Variants in DNAH9 observed in about 807,000 individuals in gnomAD.
DNAH9 encodes DNAH9 variant protein.
Under a neutral mutation model 471.6 loss-of-function variants are expected in DNAH9, and 345 were observed. That is an observed-to-expected ratio of 0.73 (90% CI 0.67 to 0.80). The LOEUF is 0.80. DNAH9 is among the 30% of genes least tolerant of loss of function. The probability of loss-of-function intolerance (pLI) is 0.00; values close to 1 mark genes in which losing one functional copy is unlikely to be tolerated. For synonymous variants in DNAH9, 2,093 were observed against 2,123.6 expected (o/e 0.99, Z 0.40); for missense variants, 5,407 against 5,609.2 (o/e 0.96, Z 1.15).
rs138856551 is a variant in DNAH9, at chr17:11,852,018, C to T, written c.9508-1985C>T. On this transcript the variant is annotated intron_variant, in intron 49 of 68. Transcript: ENST00000262442. ...TTTGCCCTCTGTCACCTCAGGGGGC[C>T]GTGACAACAGGTGTGCTGGTATCCC... 2.2e-3 allele frequency among the ~76,000 whole-genome samples: 332 copies of T among 152,258 alleles called. 2 individuals are homozygous for T. Among genetic ancestry groups the T allele is most frequent in the South Asian group, 0.011 (51 of 4,814 alleles).
At chr17:11,834,517 T>C in intron 48 of DNAH9, 121 bp from the exon 49 acceptor site, 1 of 1,154,406 alleles carries the variant, frequency 8.7e-7, no homozygotes, top group South Asian at 1.6e-5. Flanking sequence ...TCAGGAGCTG[T>C]CATCTATTCT....
chr17:11,853,905 C>T (rs917856859), intron 49 of DNAH9, 98 bp from the exon 50 acceptor site: 33 of 1,169,834 alleles, frequency 2.8e-5, no homozygotes, highest in Non-Finnish European at 3.9e-5. Context: ...TCAAAGCAGC[C>T]CTTTCAAACC....
chr17:11,733,860 C>CAAAAA lies in DNAH9; in HGVS notation c.5815-5005_5815-5001dup, dbSNP rs57515310. 1.3e-3 allele frequency among the ~76,000 whole-genome samples: 146 copies of CAAAAA among 113,068 alleles called. 2 individuals are homozygous for CAAAAA. Among genetic ancestry groups the CAAAAA allele is most frequent in the African/African-American group, 4.7e-3 (127 of 27,152 alleles). The allele number at this position is 113,068 out of a possible 152,430, so 74.2% of individuals were successfully genotyped here. ...TGGGCAACAGAGCAAGACTCCATCT[C>CAAAAA]AAAAAAAAAAAAAAAAAAAGTAAAA... On this transcript the variant is annotated intron_variant, in intron 28 of 68. Transcript: ENST00000262442.
intron 36 of DNAH9, among the ~76,000 whole-genome samples, 169 bp downstream of exon 36, chr17:11,763,783 G>GCC (rs1398322106): frequency 6.6e-6 from 1 of 152,212 alleles, no homozygotes; most frequent in African/African-American, 2.4e-5. Flanking sequence ...AGTTGTCCTA[G>GCC]CCAGACCTCA....
chr17:11,602,643 A>G (rs987049785), intron 1 of DNAH9, among the ~76,000 whole-genome samples: 2 of 152,154 alleles, frequency 1.3e-5, no homozygotes, highest in African/African-American at 2.4e-5. Context: ...GCTCTCCCCA[A>G]CATTACTTCT....
chr17:11,869,085 G>A (rs375365314), intron 50 of DNAH9, 49 bp from the exon 51 acceptor site: 25 of 1,601,168 alleles, frequency 1.6e-5, no homozygotes, highest in Non-Finnish European at 2.0e-5. Context: ...AGCACTGGTA[G>A]TTACATGGGC....
chr17:11,704,301 T>G lies in DNAH9; in HGVS notation c.5250T>G (p.Tyr1750Ter), dbSNP rs1293555670. 6.2e-7 allele frequency: 1 copy of G among 1,614,012 alleles called. No individual in the cohort carries two copies. The highest frequency in any genetic ancestry group is 8.5e-7 in the Non-Finnish European group (1 of 1,180,028). ...ATGAGAGTGCCATGAAGGACTATTA[T>G]AAGAAGCAAGTGGCCCAGCTCAAAA... ...EGYESAMKDYYKKQVAQLKTL... is the reference protein window; with the variant it reads ...EGYESAMKDY The change falls in exon 25 of 69, where the codon TAT becomes TAG. Residue 1750 changes from tyrosine (Y) to a stop codon, truncating the protein, a stop_gained. Coordinates refer to ENST00000262442, the MANE Select transcript of DNAH9 (RefSeq NM_001372.4). LOFTEE classifies it high-confidence loss of function.
intron 67 of DNAH9, among the ~76,000 whole-genome samples, chr17:11,950,419 C>T (rs1975321391): frequency 6.6e-6 from 1 of 152,208 alleles, no homozygotes; most frequent in Admixed American, 6.5e-5. Context: ...GAGATGGAAT[C>T]TTTCTCTATT....
chr17:11,933,607 C>T (rs2151037509), intron 64 of DNAH9, among the ~76,000 whole-genome samples: 1 of 152,152 alleles, frequency 6.6e-6, no homozygotes, highest in Non-Finnish European at 1.5e-5. Context: ...CTTGAACTCC[C>T]AATCTCAGGT....
chr17:11,813,677 C>T (rs1206746055), intron 45 of DNAH9, among the ~76,000 whole-genome samples: 1 of 152,178 alleles, frequency 6.6e-6, no homozygotes, highest in Non-Finnish European at 1.5e-5. Context: ...ATGCCCTGGG[C>T]GGAGTTTCCT....
chr17:11,725,473 T>C (rs1198430750), intron 27 of DNAH9, among the ~76,000 whole-genome samples: 2 of 152,238 alleles, frequency 1.3e-5, no homozygotes, highest in African/African-American at 4.8e-5. Context: ...TGGCACATAG[T>C]ATATGCTCAA....
intron 26 of DNAH9, among the ~76,000 whole-genome samples, chr17:11,710,790 A>G (rs1208192286): frequency 1.3e-5 from 2 of 152,150 alleles, no homozygotes; most frequent in East Asian, 1.9e-4. Context: ...TGTTTTAATC[A>G]TTTAGGAAAT....
At chr17:11,873,562 CAG>C (rs1173868145) in intron 52 of DNAH9, 1 of 152,072 alleles carries the variant, frequency 6.6e-6, no homozygotes. Context: ...GAACAAACTT[CAG>C]AGAGGAGTGA....
intron 4 of DNAH9, among the ~76,000 whole-genome samples, chr17:11,616,457 G>GT (rs1018564592): frequency 4.6e-5 from 7 of 152,120 alleles, no homozygotes; most frequent in African/African-American, 1.7e-4. Flanking sequence ...TTCCAATTTA[G>GT]TTTGTCCAAT....
In DNAH9 at chr17:11,679,738, T is replaced by C. The variant is rs1215605980; in HGVS notation, c.3354-19T>C. On this transcript the variant is annotated intron_variant, in intron 17 of 68. Transcript: ENST00000262442. ...AGTAGAACGAGAATGGTTCCTCATGTTCTGTTTGTGTTGATTAGCTTGGCC... is the reference window on the plus strand; with the variant it reads ...AGTAGAACGAGAATGGTTCCTCATGCTCTGTTTGTGTTGATTAGCTTGGCC... 3 of 1,536,712 alleles carry C rather than the reference T, an allele frequency of 2.0e-6. No individual in the cohort carries two copies. In the South Asian group the frequency reaches 3.3e-5, roughly 17 times the overall value.
intron 4 of DNAH9, among the ~76,000 whole-genome samples, chr17:11,616,200 A>G (rs1438157899): frequency 6.6e-6 from 1 of 152,178 alleles, no homozygotes; most frequent in Non-Finnish European, 1.5e-5. Context: ...CTTCACTTAT[A>G]AAATACTAAA....
intron 48 of DNAH9, among the ~76,000 whole-genome samples, chr17:11,827,093 G>T (rs1970525292): frequency 6.6e-6 from 1 of 151,982 alleles, no homozygotes; most frequent in African/African-American, 2.4e-5. Flanking sequence ...CCAAGGTGTT[G>T]GGATTACAGG....
chr17:11,919,815 G>GA (rs1029933385), intron 61 of DNAH9, among the ~76,000 whole-genome samples: 13 of 151,920 alleles, frequency 8.6e-5, no homozygotes, highest in African/African-American at 2.9e-4. Context: ...GCTGAAATTA[G>GA]AAAAAAACGA....
At chr17:11,654,466 C>T (rs188753904) in intron 14 of DNAH9, among the ~76,000 whole-genome samples, 1 of 151,442 alleles carries the variant, frequency 6.6e-6, no homozygotes, top group Admixed American at 6.6e-5. Flanking sequence ...TGCTCAAATC[C>T]ATGCTCTTGA....
Sources: gnomAD v4.1 joint callset for allele counts (sites outside exome capture counted in the v4.1 genomes callset) on GRCh38, gnomAD v4.1.1 for gene constraint, MANE v1.5 for transcripts, NCBI Gene and HGNC (gene_info 2026-07-23, HGNC 2026-07-21) for gene names.